The following MFSD6 variants were observed in gnomAD, a reference collection of about 807,000 sequenced individuals.
MFSD6 encodes the protein major facilitator superfamily domain-containing protein 6.
In MFSD6, 26 loss-of-function variants were observed where a neutral mutation model predicts 56.3. The observed-to-expected ratio is 0.46, with a 90% CI of 0.34 to 0.64. The LOEUF (loss-of-function observed/expected upper bound fraction) is 0.64, where lower values mean the gene tolerates loss of function less well. Ranked by LOEUF, MFSD6 falls within the 30% of genes least tolerant of loss-of-function variation. The pLI is 0.01. For synonymous variants in MFSD6, 331 were observed against 366.9 expected, an observed-to-expected ratio of 0.90 and a Z score of 1.12; for missense variants, 750 against 986.2, an observed-to-expected ratio of 0.76 and a Z score of 3.21.
In MFSD6 at chr2:190,490,573, C is replaced by T. The variant is rs997019717; in HGVS notation, c.1891+707C>T. Among the ~76,000 whole-genome samples the T allele has an allele frequency of 6.7e-6, 1 of 149,450 alleles. No individual in the cohort carries two copies. The highest frequency in any genetic ancestry group is 1.5e-5 in the Non-Finnish European group (1 of 66,960). ...GCAAGACTCCCTCTCAAAAAAAAAA[C>T]AAAAAACAAAGACAAAAATGTCAAG... is the stretch of plus-strand genomic sequence containing the variant. On this transcript the variant is annotated intron_variant, in intron 6 of 7. Coordinates refer to ENST00000392328, the MANE Select transcript of MFSD6 (RefSeq NM_017694.4). The surrounding 1 kb of genome is among the most constrained non-coding windows in gnomAD (Gnocchi z 4.5).
intron 4 of MFSD6, among the ~76,000 whole-genome samples, chr2:190,478,931 G>T (rs1203772627): frequency 2.0e-5 from 3 of 152,040 alleles, no homozygotes; most frequent in African/African-American, 7.2e-5. Flanking sequence ...ACTATCTAGA[G>T]GGTAGCTGAA....
At chr2:190,474,414 A>G (rs1261488940) in intron 4 of MFSD6, among the ~76,000 whole-genome samples, 2 of 152,218 alleles carry the variant, frequency 1.3e-5, no homozygotes, top group Non-Finnish European at 2.9e-5. Flanking sequence ...AATACAAACT[A>G]CCATCAGAGA....
intron 3 of MFSD6, among the ~76,000 whole-genome samples, chr2:190,455,301 A>T (rs1391861016): frequency 6.6e-6 from 1 of 152,154 alleles, no homozygotes; most frequent in Admixed American, 6.5e-5. Flanking sequence ...TTTTATTAGA[A>T]ATCTAACGTT....
chr2:190,455,930 TCTG>T (rs1414717372), intron 3 of MFSD6, among the ~76,000 whole-genome samples: 1 of 129,232 alleles, frequency 7.7e-6, no homozygotes, highest in Non-Finnish European at 1.6e-5. Flanking sequence ...TTGTATTTAC[TCTG>T]CTTTTTTTTT....
intron 4 of MFSD6, among the ~76,000 whole-genome samples, chr2:190,470,883 A>T (rs1449911734): frequency 6.6e-6 from 1 of 151,484 alleles, no homozygotes; most frequent in Non-Finnish European, 1.5e-5. Context: ...TTATATTCAC[A>T]TTATAATTAT....
intron 3 of MFSD6, among the ~76,000 whole-genome samples, chr2:190,452,106 T>C (rs1362815653): frequency 6.6e-6 from 1 of 151,812 alleles, no homozygotes; most frequent in African/African-American, 2.4e-5. Context: ...TTCAAAAATA[T>C]CAGAATAGGT....
Position 190,445,933 on chromosome 2 carries a change from G to A in MFSD6, c.1532+8372G>A, listed in dbSNP as rs528088952. On this transcript the variant is annotated intron_variant, in intron 3 of 7. Transcript: ENST00000392328. Reference sequence around the variant, plus strand: ...TTAAAAACAGTTTTGTTTTTTATCGGGATAGGTGATTTGCCAAAGGAGATA... The same window carrying A: ...TTAAAAACAGTTTTGTTTTTTATCGAGATAGGTGATTTGCCAAAGGAGATA... 4.6e-5 allele frequency among the ~76,000 whole-genome samples: 7 copies of A among 152,226 alleles called. No individual in the cohort carries two copies. In the East Asian group the frequency reaches 9.6e-4, roughly 21 times the overall value.
At chr2:190,479,508 G>A (rs1013480903) in intron 4 of MFSD6, among the ~76,000 whole-genome samples, 9 of 151,936 alleles carry the variant, frequency 5.9e-5, no homozygotes, top group African/African-American at 1.9e-4. Context: ...CTTTTGTTTT[G>A]TACAAAGAAC....
At position 190,441,338 on chromosome 2, in the gene MFSD6, T is replaced by C. The variant is rs372380787; in HGVS notation, c.1532+3777T>C. On this transcript the variant is annotated intron_variant, in intron 3 of 7. Coordinates refer to ENST00000392328, the MANE Select transcript of MFSD6 (RefSeq NM_017694.4). ...AATGCCCAGGTTGCACCCAGACCAA[T>C]TACATCAGTCTTTCTAGGGGTGTAC... Among the ~76,000 whole-genome samples the C allele has an allele frequency of 3.3e-5, 5 of 152,004 alleles. No individual in the cohort carries two copies. The East Asian group carries it at 7.7e-4, about 24-fold the overall frequency.
chr2:190,493,627 A>G (rs1303199742), intron 6 of MFSD6, among the ~76,000 whole-genome samples: 1 of 152,212 alleles, frequency 6.6e-6, no homozygotes, highest in Admixed American at 6.5e-5. Flanking sequence ...TAGGCCATAA[A>G]ACAAGTCTCA....
At position 190,431,717 on chromosome 2, in the gene MFSD6, G is replaced by C. The variant is rs1350420129; in HGVS notation, c.-53-4260G>C. Among the ~76,000 whole-genome samples, 1 of 152,070 alleles carries C rather than the reference G, an allele frequency of 6.6e-6. No individual in the cohort carries two copies. Among genetic ancestry groups the C allele is most frequent in the Non-Finnish European group, 1.5e-5 (1 of 68,008 alleles). ...GGAAAGAGAGGGAGAGGGAGACTGT[G>C]GGGAGAGGGAGGGAGAGGGAGAGGG... On this transcript the variant is annotated intron_variant, in intron 2 of 7. Transcript: ENST00000392328. This position sits in a 1 kb window ranked among gnomAD's most constrained non-coding sequence, Gnocchi z 4.4.
rs923253258 is a variant in MFSD6, at chr2:190,465,116, T to A, written c.1533-4642T>A. 6.6e-6 allele frequency among the ~76,000 whole-genome samples: 1 copy of A among 152,232 alleles called. No individual in the cohort carries two copies. The highest frequency in any genetic ancestry group is 2.4e-5 in the African/African-American group (1 of 41,458). ...GCTAATACTGTGAATTGTGCTTATA[T>A]AAGAAATTAGAATCTGTAACAATTT... On this transcript the variant is annotated intron_variant, in intron 3 of 7. Coordinates refer to ENST00000392328, the MANE Select transcript of MFSD6 (RefSeq NM_017694.4). The surrounding 1 kb of genome is among the most constrained non-coding windows in gnomAD (Gnocchi z 4.6).
chr2:190,489,916 A>G lies in MFSD6; in HGVS notation c.1891+50A>G, dbSNP rs763492218. 2.1e-5 allele frequency: 30 copies of G among 1,443,892 alleles called. No homozygotes were observed. The highest frequency in any genetic ancestry group is 2.7e-5 in the Non-Finnish European group (29 of 1,081,750). 89.4% of individuals were successfully genotyped at this position (1,443,892 alleles called of 1,614,324 possible). On this transcript the variant is annotated intron_variant, in intron 6 of 7. Coordinates refer to ENST00000392328, the MANE Select transcript of MFSD6 (RefSeq NM_017694.4). This position sits in a 1 kb window ranked among gnomAD's most constrained non-coding sequence, Gnocchi z 6.6. ...TATTCCTAACAGTTCAGGCCATGGG[A>G]AGTCAACAAATGCCCCGAGAAGCCT...
chr2:190,430,159 C>A (rs1685918997), intron 2 of MFSD6, among the ~76,000 whole-genome samples: 1 of 151,638 alleles, frequency 6.6e-6, no homozygotes, highest in African/African-American at 2.4e-5. Flanking sequence ...ATCCATGTCC[C>A]TGCAAAGGAC....
chr2:190,452,138 A>C (rs1337761404), intron 3 of MFSD6, among the ~76,000 whole-genome samples: 1 of 152,112 alleles, frequency 6.6e-6, no homozygotes, highest in Non-Finnish European at 1.5e-5. Context: ...ATGAAAAGTA[A>C]AAAACAAAAA....
intron 4 of MFSD6, among the ~76,000 whole-genome samples, chr2:190,479,617 C>T (rs771400072): frequency 6.6e-6 from 1 of 152,130 alleles, no homozygotes; most frequent in Non-Finnish European, 1.5e-5. Context: ...GGTTGCAAAT[C>T]CTTGCAAAAC....
rs1272740073 is a variant in MFSD6, at chr2:190,418,013, A to C, written c.-54+2600A>C. On this transcript the variant is annotated intron_variant, in intron 2 of 7. Transcript: ENST00000392328. This position sits in a 1 kb window ranked among gnomAD's most constrained non-coding sequence, Gnocchi z 4.1. ...GTGTGTGTGTGTGTATGTGAGAGAG[A>C]GAGAGATGTGGTTTATCATTGCTTG... Among the ~76,000 whole-genome samples the C allele has an allele frequency of 7.3e-6, 1 of 137,836 alleles. No homozygotes were observed. The allele number at this position is 137,836 out of a possible 152,430, so 90.4% of individuals were successfully genotyped here. A position where few individuals can be genotyped will look rare whatever the true frequency, so the allele number is the denominator to read the frequency against.
In MFSD6 at chr2:190,500,351, A is replaced by C; in HGVS notation, c.*133A>C. On this transcript the variant is annotated 3_prime_UTR_variant, in exon 8 of 8. Coordinates refer to ENST00000392328, the MANE Select transcript of MFSD6 (RefSeq NM_017694.4). This position sits in a 1 kb window ranked among gnomAD's most constrained non-coding sequence, Gnocchi z 5.3. ...CATATGCTTCTAAATATCTAAACTC[A>C]TTAACATGGAAACACACACACAGGA... 1.5e-5 allele frequency: 13 copies of C among 883,504 alleles called. No individual in the cohort carries two copies. Among genetic ancestry groups the C allele is most frequent in the East Asian group, 2.7e-5 (1 of 37,512 alleles). 54.7% of individuals were successfully genotyped at this position (883,504 alleles called of 1,614,324 possible).
At position 190,418,123 on chromosome 2, in the gene MFSD6, A is replaced by G. The variant is rs1690864543; in HGVS notation, c.-54+2710A>G. Among the ~76,000 whole-genome samples the G allele has an allele frequency of 6.6e-6, 1 of 152,004 alleles. No individual in the cohort carries two copies. The highest frequency in any genetic ancestry group is 1.5e-5 in the Non-Finnish European group (1 of 68,008). ...GCTGCACAGTGCATTGAGAGTCAGTACCTGCTAAGAGCAGCACTGCTACTC... is the reference window on the plus strand; with the variant it reads ...GCTGCACAGTGCATTGAGAGTCAGTGCCTGCTAAGAGCAGCACTGCTACTC... On this transcript the variant is annotated intron_variant, in intron 2 of 7. Transcript: ENST00000392328. This position sits in a 1 kb window ranked among gnomAD's most constrained non-coding sequence, Gnocchi z 4.1.
Sources: gnomAD v4.1 joint callset for allele counts (sites outside exome capture counted in the v4.1 genomes callset) on GRCh38, gnomAD v4.1.1 for gene constraint, Gnocchi (gnomAD v3.1) non-coding constraint, MANE v1.5 for transcripts, NCBI Gene and HGNC (gene_info 2026-07-23, HGNC 2026-07-21) for gene names.